The following DOCK4 variants were observed in gnomAD, a reference collection of about 807,000 sequenced individuals.
The protein encoded by DOCK4 is dedicator of cytokinesis protein 4.
In DOCK4, 97 loss-of-function variants were observed where a neutral mutation model predicts 268.1. The observed-to-expected ratio is 0.36, with a 90% confidence interval of 0.31 to 0.43. The LOEUF (loss-of-function observed/expected upper bound fraction) is 0.43, where lower values mean the gene tolerates loss of function less well. Ranked by LOEUF, DOCK4 falls within the 20% of genes least tolerant of loss-of-function variation. The pLI is 1.00. For synonymous variants in DOCK4, 954 were observed against 887.2 expected (o/e 1.08, Z -1.34); for missense variants, 2,145 against 2,455.7 (o/e 0.87, Z 2.67).
chr7:112,000,610 C>A, intron 2 of DOCK4, 76 bp from the exon 3 acceptor site: 2 of 1,120,676 alleles, frequency 1.8e-6, no homozygotes, highest in South Asian at 4.0e-5. Flanking sequence ...TCAATCTGTT[C>A]TTTGCCGATG....
chr7:111,925,443 T>A (rs572817543), intron 12 of DOCK4, among the ~76,000 whole-genome samples: 2 of 152,108 alleles, frequency 1.3e-5, no homozygotes, highest in African/African-American at 4.8e-5. Flanking sequence ...AGGTATTAAG[T>A]GAGACAATAC....
intron 27 of DOCK4, chr7:111,819,628 A>G (rs1227019747): frequency 1.3e-5 from 2 of 152,368 alleles, no homozygotes; most frequent in South Asian, 2.1e-4. Context: ...ATTTGGAACA[A>G]CACAGCTTAT....
intron 16 of DOCK4, among the ~76,000 whole-genome samples, chr7:111,893,162 C>A (rs1234823829): frequency 6.6e-6 from 1 of 152,156 alleles, no homozygotes; most frequent in Admixed American, 6.5e-5. Context: ...TTGGCCCTGA[C>A]GACAGGCACC....
At chr7:111,961,324 G>T (rs1160883120) in intron 8 of DOCK4, among the ~76,000 whole-genome samples, 1 of 152,086 alleles carries the variant, frequency 6.6e-6, no homozygotes, top group Non-Finnish European at 1.5e-5. Context: ...CTTGTGTCTG[G>T]ATCCCTTCTG....
intron 1 of DOCK4, among the ~76,000 whole-genome samples, chr7:112,078,943 T>G (rs1205160686): frequency 6.6e-6 from 1 of 152,092 alleles, no homozygotes; most frequent in Non-Finnish European, 1.5e-5. Flanking sequence ...CTGGGTAACA[T>G]GGCAAAACTC....
chr7:111,756,966 G>A (rs10236985), intron 41 of DOCK4, among the ~76,000 whole-genome samples: 3,065 of 152,140 alleles, frequency 0.02, 81 homozygotes, highest in African/African-American at 0.052. Context: ...TGCGGGAGGA[G>A]GACAGCAGTT....
chr7:111,739,026 C>T, intron 49 of DOCK4, 108 bp downstream of exon 49: 1 of 860,118 alleles, frequency 1.2e-6, no homozygotes, highest in Non-Finnish European at 1.9e-6. Flanking sequence ...ATTGGTCTGA[C>T]ACTGCCCAGC....
At chr7:112,057,918 T>C (rs901496764) in intron 1 of DOCK4, among the ~76,000 whole-genome samples, 2 of 151,938 alleles carry the variant, frequency 1.3e-5, no homozygotes, top group African/African-American at 2.4e-5. Context: ...TCTCATCCTA[T>C]TAAAATGTCT....
intron 30 of DOCK4, among the ~76,000 whole-genome samples, chr7:111,803,888 CA>C (rs1800476107): frequency 6.6e-6 from 1 of 152,134 alleles, no homozygotes. Flanking sequence ...ACCAAAACTG[CA>C]AATGAGATAC....
intron 25 of DOCK4, among the ~76,000 whole-genome samples, chr7:111,840,520 G>A (rs1185958436): frequency 1.3e-5 from 2 of 151,934 alleles, no homozygotes; most frequent in Non-Finnish European, 1.5e-5. Flanking sequence ...GATCACAATG[G>A]TGCTTTTTTG....
chr7:112,061,739 T>TCACACACACACACACACACACACA, intron 1 of DOCK4, among the ~76,000 whole-genome samples: 1 of 137,222 alleles, frequency 7.3e-6, no homozygotes, highest in Non-Finnish European at 1.6e-5. Context: ...ATTAACAATG[T>TCACACACACACACACACACACACA]CACACACACA....
At chr7:111,959,399 G>C (rs1208369072) in intron 8 of DOCK4, among the ~76,000 whole-genome samples, 1 of 152,140 alleles carries the variant, frequency 6.6e-6, no homozygotes, top group African/African-American at 2.4e-5. Context: ...TACAAAAAGG[G>C]ATCTATGCCC....
intron 30 of DOCK4, among the ~76,000 whole-genome samples, chr7:111,799,020 G>C (rs1800088893): frequency 6.6e-6 from 1 of 152,174 alleles, no homozygotes; most frequent in Non-Finnish European, 1.5e-5. Context: ...GAAATAAATT[G>C]GCTAATCAGG....
chr7:111,943,784 A>G (rs1795386928), intron 10 of DOCK4, among the ~76,000 whole-genome samples: 1 of 152,256 alleles, frequency 6.6e-6, no homozygotes, highest in Admixed American at 6.5e-5. Context: ...ACAGGTTTTC[A>G]GAATAGATTT....
chr7:111,876,685 A>G (rs1052337795), intron 17 of DOCK4, among the ~76,000 whole-genome samples: 1 of 152,062 alleles, frequency 6.6e-6, no homozygotes, highest in Non-Finnish European at 1.5e-5. Flanking sequence ...CCTTTATTCT[A>G]AAGCCTGCAA....
At chr7:112,198,440 A>C (rs1446691514) in intron 1 of DOCK4, among the ~76,000 whole-genome samples, 1 of 152,192 alleles carries the variant, frequency 6.6e-6, no homozygotes, top group African/African-American at 2.4e-5. Context: ...ACAACATCCT[A>C]AACTCCTTCC....
chr7:112,083,495 C>T (rs1808782471), intron 1 of DOCK4, among the ~76,000 whole-genome samples: 1 of 152,038 alleles, frequency 6.6e-6, no homozygotes, highest in African/African-American at 2.4e-5. Context: ...CTTAACCCCT[C>T]ATACCCAGAA....
chr7:112,045,872 C>T (rs1425408244), intron 1 of DOCK4, among the ~76,000 whole-genome samples: 3 of 152,134 alleles, frequency 2.0e-5, no homozygotes, highest in Non-Finnish European at 4.4e-5. Flanking sequence ...AGGTCAAATG[C>T]CGTTTGCCAA....
chr7:112,100,660 T>C (rs1257300660), intron 1 of DOCK4, among the ~76,000 whole-genome samples: 4 of 152,232 alleles, frequency 2.6e-5, no homozygotes, highest in Admixed American at 6.5e-5. Flanking sequence ...GCATCAGACA[T>C]GCTGTACACT....
Sources: gnomAD v4.1 joint callset for allele counts (sites outside exome capture counted in the v4.1 genomes callset) on GRCh38, gnomAD v4.1.1 for gene constraint, MANE v1.5 for transcripts, NCBI Gene and HGNC (gene_info 2026-07-23, HGNC 2026-07-21) for gene names.